Variants in CPLX2 observed in about 807,000 individuals in gnomAD.
CPLX2 encodes complexin-2.
CPLX2 carries 5 observed loss-of-function variants against 16.3 expected under a neutral mutation model. The ratio of observed to expected loss-of-function variants is 0.31; its 90% CI spans 0.16 to 0.64. The LOEUF is 0.64. CPLX2 is among the 30% of genes least tolerant of loss of function. The pLI, the probability that CPLX2 is intolerant of heterozygous loss-of-function variation, is 0.79. For synonymous variants in CPLX2, 89 were observed against 73.2 expected (o/e 1.22, Z -1.10); for missense variants, 144 against 181.4 (o/e 0.79, Z 1.18).
At chr5:175,870,566 G>A (rs962622448), upstream of CPLX2, among the ~76,000 whole-genome samples, 13 of 152,014 alleles carry the variant, frequency 8.6e-5, no homozygotes, top group Non-Finnish European at 1.3e-4. Context: ...GAGTAATTGG[G>A]AGCCGAAAGA....
intron 2 of CPLX2, among the ~76,000 whole-genome samples, chr5:175,860,043 C>T (rs2113687650): frequency 6.6e-6 from 1 of 152,364 alleles, no homozygotes; most frequent in East Asian, 1.9e-4. Context: ...TGGGCCCTCA[C>T]ACACTGTCAT....
At chr5:175,858,113 T>A (rs1759294856) in intron 2 of CPLX2, among the ~76,000 whole-genome samples, 1 of 152,190 alleles carries the variant, frequency 6.6e-6, no homozygotes, top group Non-Finnish European at 1.5e-5. Context: ...CCTGGCAAAG[T>A]CTGGATACAA....
At chr5:175,816,401 T>C (rs896603624) in intron 2 of CPLX2, among the ~76,000 whole-genome samples, 1 of 152,038 alleles carries the variant, frequency 6.6e-6, no homozygotes, top group South Asian at 2.1e-4. Flanking sequence ...CTCCTGACCT[T>C]GTGATCTGCC....
At chr5:175,822,155 T>C (rs955851975) in intron 2 of CPLX2, among the ~76,000 whole-genome samples, 1 of 152,028 alleles carries the variant, frequency 6.6e-6, no homozygotes, top group Non-Finnish European at 1.5e-5. Flanking sequence ...CTCACCACCT[T>C]CTCCTTCATT....
intron 2 of CPLX2, among the ~76,000 whole-genome samples, chr5:175,854,521 G>C (rs1394231462): frequency 3.3e-5 from 5 of 152,180 alleles, no homozygotes; most frequent in Non-Finnish European, 7.3e-5. Context: ...AAGGATGAAA[G>C]GAAGCTATGC....
intron 2 of CPLX2, among the ~76,000 whole-genome samples, chr5:175,840,540 T>C (rs1334388643): frequency 6.6e-6 from 1 of 152,236 alleles, no homozygotes; most frequent in African/African-American, 2.4e-5. Flanking sequence ...CCCATTCATT[T>C]TAAAACAGTA....
At chr5:175,802,226 T>C (rs1758111694) in intron 1 of CPLX2, among the ~76,000 whole-genome samples, 1 of 152,076 alleles carries the variant, frequency 6.6e-6, no homozygotes, top group South Asian at 2.1e-4. Flanking sequence ...CTCAGGAAAA[T>C]AAACCAAACT....
chr5:175,797,880 AG>A (rs1758022308), intron 1 of CPLX2, among the ~76,000 whole-genome samples: 1 of 152,236 alleles, frequency 6.6e-6, no homozygotes, highest in African/African-American at 2.4e-5. Flanking sequence ...CAGGGAAGCC[AG>A]TTCCGCGGCA....
At chr5:175,840,607 G>A (rs951322339) in intron 2 of CPLX2, among the ~76,000 whole-genome samples, 2 of 152,158 alleles carry the variant, frequency 1.3e-5, no homozygotes, top group East Asian at 1.9e-4. Flanking sequence ...CATGGAGGAC[G>A]AAAAATCAGC....
chr5:175,878,080 A>G (rs1339229745), intron 1 of CPLX2: 2 of 152,328 alleles, frequency 1.3e-5, no homozygotes, highest in Non-Finnish European at 2.9e-5. Flanking sequence ...GTCTAATTTC[A>G]AAAGTCAGGA....
chr5:175,834,857 G>A (rs903853505), intron 2 of CPLX2, among the ~76,000 whole-genome samples: 1 of 152,192 alleles, frequency 6.6e-6, no homozygotes, highest in Admixed American at 6.5e-5. Flanking sequence ...CTGGGCGACA[G>A]AGCGAGATCC....
chr5:175,806,112 C>T (rs1468163259), intron 1 of CPLX2, among the ~76,000 whole-genome samples: 1 of 152,168 alleles, frequency 6.6e-6, no homozygotes, highest in Non-Finnish European at 1.5e-5. Context: ...AGAGCTGAGC[C>T]CTGCAATGGC....
At chr5:175,816,356 C>T (rs926770629) in intron 2 of CPLX2, among the ~76,000 whole-genome samples, 2 of 152,044 alleles carry the variant, frequency 1.3e-5, no homozygotes, top group African/African-American at 4.8e-5. Flanking sequence ...TTAGTAGAGG[C>T]GGGGTTTCAC....
intron 2 of CPLX2, among the ~76,000 whole-genome samples, chr5:175,820,152 T>C (rs564122639): frequency 1.3e-5 from 2 of 152,184 alleles, no homozygotes; most frequent in Non-Finnish European, 2.9e-5. Context: ...ACCCACCGTG[T>C]GGCCCTGGAC....
chr5:175,867,695 G>A (rs964541292), upstream of CPLX2, among the ~76,000 whole-genome samples: 3 of 152,004 alleles, frequency 2.0e-5, no homozygotes, highest in South Asian at 2.1e-4. Context: ...ACCACACACC[G>A]AGAGTCAGAG....
intron 2 of CPLX2, among the ~76,000 whole-genome samples, chr5:175,865,669 C>A (rs922169507): frequency 1.3e-5 from 2 of 152,188 alleles, no homozygotes; most frequent in Non-Finnish European, 2.9e-5. Flanking sequence ...TATGGCTCCA[C>A]GATCCAGTTT....
intron 1 of CPLX2, among the ~76,000 whole-genome samples, chr5:175,876,101 TTTA>T (rs1446982301): frequency 6.6e-6 from 1 of 152,174 alleles, no homozygotes; most frequent in Non-Finnish European, 1.5e-5. Context: ...TTTTTACTTA[TTTA>T]TTGCTTATTT....
intron 1 of CPLX2, among the ~76,000 whole-genome samples, chr5:175,803,525 G>A (rs1239128772): frequency 6.6e-6 from 1 of 152,208 alleles, no homozygotes; most frequent in Non-Finnish European, 1.5e-5. Flanking sequence ...GGAGGCAGAA[G>A]AAACAGAACA....
At position 175,849,630 on chromosome 5, in the gene CPLX2, C is replaced by A. The variant is rs952023346; in HGVS notation, c.-88-29022C>A. ...CTTCTCAGGGAGAGAAGAGGAGAGG[C>A]TCCTGGAGAGAAGCCCTCTGCCGCA... On this transcript the variant is annotated intron_variant, in intron 2 of 4. Coordinates refer to the CPLX2 transcript ENST00000359546. This position sits in a 1 kb window ranked among gnomAD's most constrained non-coding sequence, Gnocchi z 4.4. Among the ~76,000 whole-genome samples the A allele has an allele frequency of 1.3e-5, 2 of 152,120 alleles. No individual in the cohort carries two copies. Among genetic ancestry groups the A allele is most frequent in the Non-Finnish European group, 2.9e-5 (2 of 68,020 alleles).
Sources: allele counts gnomAD v4.1 joint callset (sites outside exome capture counted in the v4.1 genomes callset), GRCh38; gene constraint gnomAD v4.1.1; non-coding constraint Gnocchi (gnomAD v3.1); transcripts MANE v1.5; gene names NCBI Gene and HGNC (gene_info 2026-07-23, HGNC 2026-07-21).